The following MYO18A variants were observed in gnomAD, a reference collection of about 807,000 sequenced individuals.
MYO18A encodes the protein myosin XVIIIA.
In MYO18A, 78 loss-of-function variants were observed where a neutral mutation model predicts 235.8. The observed-to-expected ratio is 0.33, with a 90% CI of 0.28 to 0.40. MYO18A has a LOEUF of 0.40. Ranked by LOEUF, MYO18A falls within the 10% of genes least tolerant of loss-of-function variation. The pLI is 1.00. For synonymous variants in MYO18A, 977 were observed against 1,077.8 expected (o/e 0.91, Z 1.83); for missense variants, 2,215 against 2,699.3 (o/e 0.82, Z 3.98).
chr17:29,115,533 G>A, intron 12 of MYO18A, 92 bp from the exon 13 acceptor site: 2 of 1,498,384 alleles, frequency 1.3e-6, no homozygotes, highest in Non-Finnish European at 1.8e-6. Context: ...GTCAGCACGG[G>A]GCCTGGGGCA....
At position 29,072,742 on chromosome 17, in the gene MYO18A, T is replaced by C. The variant is rs2065898977; in HGVS notation, c.*2028A>G. On this transcript the variant is annotated 3_prime_UTR_variant, in exon 42 of 42. Transcript: ENST00000527372. ...GGCACTTGGGCTGTTTGCTATTTTT[T>C]CCCACCCATCTGTCCAAACTACTTT... 1 of 152,216 alleles carries C rather than the reference T, an allele frequency of 6.6e-6. No individual in the cohort carries two copies. Among genetic ancestry groups the C allele is most frequent in the Admixed American group, 6.5e-5 (1 of 15,282 alleles). The allele number at this position is 152,216 out of a possible 1,614,324, so 9.4% of individuals were successfully genotyped here. A position where few individuals can be genotyped will look rare whatever the true frequency, so the allele number is the denominator to read the frequency against.
intron 20 of MYO18A, among the ~76,000 whole-genome samples, chr17:29,104,909 G>C (rs939587258): frequency 6.6e-6 from 1 of 152,032 alleles, no homozygotes; most frequent in Non-Finnish European, 1.5e-5. Context: ...GGCCAGGCGC[G>C]GTGGCTCACG....
In MYO18A at chr17:29,125,743, T is replaced by G. The variant is rs1394347144; in HGVS notation, c.1000-3490A>C. On this transcript the variant is annotated intron_variant, in intron 2 of 41. Coordinates refer to ENST00000527372, the MANE Select transcript of MYO18A (RefSeq NM_078471.4). This position sits in a 1 kb window ranked among gnomAD's most constrained non-coding sequence, Gnocchi z 5.1. The stretch of plus-strand genomic sequence containing the variant: ...CTCTCCCCAGAGCACTTCTCTCATT[T>G]CTTTAAGAGAGAGCCCAACATGAGG... 1 of 208,350 alleles carries G rather than the reference T, an allele frequency of 4.8e-6. No homozygotes were observed. The highest frequency in any genetic ancestry group is 8.4e-6 in the Non-Finnish European group (1 of 118,934). 12.9% of individuals were successfully genotyped at this position (208,350 alleles called of 1,614,324 possible).
chr17:29,080,586 C>T (rs2066095729), intron 41 of MYO18A: 2 of 985,820 alleles, frequency 2.0e-6, no homozygotes, highest in Non-Finnish European at 2.4e-6. Flanking sequence ...GGGAACCGGG[C>T]GAGCCCGACA....
At chr17:29,147,205 A>G (rs577519606) in intron 2 of MYO18A, among the ~76,000 whole-genome samples, 2 of 152,314 alleles carry the variant, frequency 1.3e-5, no homozygotes, top group Admixed American at 6.5e-5. Flanking sequence ...ATGGGGCATG[A>G]TTTAACCTGT....
chr17:29,094,998 T>C lies in MYO18A; in HGVS notation c.4447A>G (p.Lys1483Glu). The change falls in exon 29 of 42, where the codon AAG becomes GAG. Residue 1483 changes from lysine to glutamate, a missense_variant. By Grantham distance (56) the Lys-to-Glu change is moderately conservative. Coordinates refer to ENST00000527372, the MANE Select transcript of MYO18A (RefSeq NM_078471.4). ...EAQREKLQRE[K>E]LQREKDMLLA... ...AGCATGTCCTTCTCCCGCTGCAGCT[T>C]CTCCCGCTGCAGCTTCTCCCGCTGG... 6.3e-7 allele frequency: 1 copy of C among 1,581,718 alleles called. No homozygotes were observed. Among genetic ancestry groups the C allele is most frequent in the Non-Finnish European group, 8.6e-7 (1 of 1,162,574 alleles).
Position 29,073,624 on chromosome 17 carries a change from A to G in MYO18A, c.*1146T>C. On this transcript the variant is annotated 3_prime_UTR_variant, in exon 42 of 42. Transcript: ENST00000527372. ...GGAGAGAAGGGGGGCGGCAGATGGG[A>G]GCAGCACCAGGCACTGCACTTGGGC... 2.0e-6 allele frequency: 1 copy of G among 504,696 alleles called. No homozygotes were observed. The highest frequency in any genetic ancestry group is 1.9e-5 in the African/African-American group (1 of 52,364). 31.3% of individuals were successfully genotyped at this position (504,696 alleles called of 1,614,324 possible). A position where few individuals can be genotyped will look rare whatever the true frequency, so the allele number is the denominator to read the frequency against.
intron 2 of MYO18A, among the ~76,000 whole-genome samples, chr17:29,145,254 A>G (rs1263159639): frequency 6.6e-6 from 1 of 152,200 alleles, no homozygotes; most frequent in Non-Finnish European, 1.5e-5. Context: ...GGATTTAACC[A>G]ACTGATCTGA....
intron 1 of MYO18A, among the ~76,000 whole-genome samples, chr17:29,173,734 A>G (rs2068460599): frequency 6.6e-6 from 1 of 152,136 alleles, no homozygotes; most frequent in Admixed American, 6.5e-5. Context: ...TGCACCAACT[A>G]ATGTATTTTC....
Position 29,098,454 on chromosome 17 carries a change from G to T in MYO18A, c.3781-9C>A. ...AGCTGCTGGATCTCCTCCTAGGGTG[G>T]ACCAAAGAGGGCAAAGTGAGCCAAA... On this transcript the variant is annotated splice_polypyrimidine_tract_variant and intron_variant, in intron 23 of 41. Transcript: ENST00000527372. 6.2e-7 allele frequency: 1 copy of T among 1,613,640 alleles called. No homozygotes were observed. The highest frequency in any genetic ancestry group is 1.1e-5 in the South Asian group (1 of 91,064).
At chr17:29,159,882 T>C (rs2068136619) in intron 2 of MYO18A, among the ~76,000 whole-genome samples, 1 of 152,164 alleles carries the variant, frequency 6.6e-6, no homozygotes, top group Non-Finnish European at 1.5e-5. Context: ...TGGCCAAGCC[T>C]GCAGGCCCGA....
At chr17:29,095,192 A>G (rs1208251814) in intron 28 of MYO18A, 133 bp from the exon 29 acceptor site, 23 of 1,311,084 alleles carry the variant, frequency 1.8e-5, no homozygotes, top group Non-Finnish European at 2.1e-5. Flanking sequence ...ACGTGGGGCC[A>G]GTTGTAAGGT....
At chr17:29,128,567 A>G (rs1342859115) in intron 2 of MYO18A, 2 of 1,212,020 alleles carry the variant, frequency 1.7e-6, no homozygotes, top group African/African-American at 3.2e-5. Context: ...AAATACAGGT[A>G]GACATTAGCA....
chr17:29,080,291 A>G, intron 41 of MYO18A: 1 of 986,072 alleles, frequency 1.0e-6, no homozygotes, highest in Non-Finnish European at 1.2e-6. Flanking sequence ...GGGTCCAGGT[A>G]GGAGTGACGG....
At chr17:29,130,598 A>T (rs894998259) in intron 2 of MYO18A, among the ~76,000 whole-genome samples, 3 of 151,816 alleles carry the variant, frequency 2.0e-5, no homozygotes, top group Admixed American at 6.6e-5. Flanking sequence ...GTGCCTGGCT[A>T]ATCAAACTGA....
At chr17:29,124,737 CA>C (rs2067280745) in intron 2 of MYO18A, 2 of 1,253,454 alleles carry the variant, frequency 1.6e-6, no homozygotes, top group African/African-American at 3.1e-5. Flanking sequence ...TGAAGATAAG[CA>C]GACCACTGGC....
intron 37 of MYO18A, among the ~76,000 whole-genome samples, chr17:29,087,790 T>G (rs530333834): frequency 8.6e-4 from 131 of 151,852 alleles, no homozygotes; most frequent in Admixed American, 3.1e-3. Context: ...TTGGGCCGTT[T>G]GTGTTTAACA....
chr17:29,074,125 C>A lies in MYO18A; in HGVS notation c.*645G>T. On this transcript the variant is annotated 3_prime_UTR_variant, in exon 42 of 42. Transcript: ENST00000527372. This position sits in a 1 kb window ranked among gnomAD's most constrained non-coding sequence, Gnocchi z 4.4. ...GCACCTCATTCTTAAGAACCTGGACCCGGCTCTCCTCACCAGCGTCTCCAG... is the reference window on the plus strand; with the variant it reads ...GCACCTCATTCTTAAGAACCTGGACACGGCTCTCCTCACCAGCGTCTCCAG... The A allele has an allele frequency of 6.2e-7, 1 of 1,613,992 alleles. No homozygotes were observed. The highest frequency in any genetic ancestry group is 8.5e-7 in the Non-Finnish European group (1 of 1,179,990).
rs1042138434 is a variant in MYO18A, at chr17:29,110,556, C to T, written c.2967G>A (p.Ala989=). The part of the protein sequence containing the change: ...GSATVLSGSI[A]GLEGGSQLAL... ...CCAGCTGCGAGCCGCCCTCCAGGCC[C>T]GCGATGGAGCCAGAGAGCACCGTGG... Residue 989 remains alanine, a synonymous_variant, in exon 18 of 42, where the codon GCG becomes GCA. Transcript: ENST00000527372. 16 of 1,612,200 alleles carry T rather than the reference C, an allele frequency of 9.9e-6. No individual in the cohort carries two copies. Among genetic ancestry groups the T allele is most frequent in the Middle Eastern group, 3.3e-4 (2 of 6,074 alleles).
Sources: allele counts gnomAD v4.1 joint callset (sites outside exome capture counted in the v4.1 genomes callset), GRCh38; gene constraint gnomAD v4.1.1; non-coding constraint Gnocchi (gnomAD v3.1); transcripts MANE v1.5; gene names NCBI Gene and HGNC (gene_info 2026-07-23, HGNC 2026-07-21).